NHLRC2: variants seen among roughly 807,000 people sequenced by gnomAD.
NHLRC2 encodes the protein NHL repeat-containing protein 2.
In NHLRC2, 33 loss-of-function variants were observed where a neutral mutation model predicts 68.1. That is an observed-to-expected ratio of 0.48 (90% CI 0.37 to 0.65). The LOEUF (loss-of-function observed/expected upper bound fraction) is 0.65, where lower values mean the gene tolerates loss of function less well. NHLRC2 is among the 30% of genes least tolerant of loss of function. The pLI is 0.00. For synonymous variants in NHLRC2, 311 were observed against 309.6 expected, an observed-to-expected ratio of 1.00 and a Z score of -0.05; for missense variants, 761 against 853.8, an observed-to-expected ratio of 0.89 and a Z score of 1.35.
chr10:113,908,460 T>G lies in NHLRC2; in HGVS notation c.2105T>G (p.Leu702Trp). 2 of 1,614,014 alleles carry G rather than the reference T, an allele frequency of 1.2e-6. No homozygotes were observed. The highest frequency in any genetic ancestry group is 4.5e-5 in the East Asian group (2 of 44,878). Residue 702 changes from leucine to tryptophan, a missense_variant, in exon 11 of 11, where the codon TTG becomes TGG. Coordinates refer to ENST00000369301, the MANE Select transcript of NHLRC2 (RefSeq NM_198514.4). The stretch of plus-strand genomic sequence containing the variant: ...AGTGCTTGTATGATGAAGGCAATTT[T>G]GTTCAGTCAGCCTTTACAAATAACG... Reference protein sequence around the residue: ...DSSACMMKAILFSQPLQITDT... With the variant: ...DSSACMMKAIWFSQPLQITDT...
Position 113,854,716 on chromosome 10 carries a change from A to T in NHLRC2, c.-157A>T, listed in dbSNP as rs1225194252. On this transcript the variant is annotated 5_prime_UTR_variant, in exon 1 of 11. The change abolishes an upstream ATG in the 5' untranslated region. Transcript: ENST00000369301. ...ATTTGGACTTTTGGCACTTGGACCTATGCTTTAAAAAGAAAAAAGTGTCAT... is the reference window on the plus strand; with the variant it reads ...ATTTGGACTTTTGGCACTTGGACCTTTGCTTTAAAAAGAAAAAAGTGTCAT... The T allele has an allele frequency of 1.6e-6, 1 of 618,024 alleles. No individual in the cohort carries two copies. Among genetic ancestry groups the T allele is most frequent in the East Asian group, 2.9e-5 (1 of 34,374 alleles). The allele number at this position is 618,024 out of a possible 1,614,324, so 38.3% of individuals were successfully genotyped here.
At position 113,915,475 on chromosome 10, in the gene NHLRC2, A is replaced by G. The variant is rs1846374529; in HGVS notation, c.*6939A>G. On this transcript the variant is annotated 3_prime_UTR_variant, in exon 11 of 11. Transcript: ENST00000369301. ...TAATGTTGAAAACTTCCAAGTGTGAATAATACGGACATAGTTTACTACCTT... is the reference window on the plus strand; with the variant it reads ...TAATGTTGAAAACTTCCAAGTGTGAGTAATACGGACATAGTTTACTACCTT... 1 of 342,216 alleles carries G rather than the reference A, an allele frequency of 2.9e-6. No individual in the cohort carries two copies. Among genetic ancestry groups the G allele is most frequent in the Non-Finnish European group, 5.7e-6 (1 of 174,962 alleles). The allele number at this position is 342,216 out of a possible 1,614,324, so 21.2% of individuals were successfully genotyped here.
chr10:113,901,684 C>T lies in NHLRC2; in HGVS notation c.1158C>T (p.Thr386=). The change falls in exon 7 of 11, where the codon ACC becomes ACT. Residue 386 remains threonine (T), a synonymous_variant. Coordinates refer to ENST00000369301, the MANE Select transcript of NHLRC2 (RefSeq NM_198514.4). ...TTTTCAGTGAGTTAACAAAAGGAAC[C>T]TGCCTTAGGTTTGCTGGAAGTGGAA... is the stretch of plus-strand genomic sequence containing the variant. ...LPKKNELTKG[T]CLRFAGSGNE... is the part of the protein sequence containing the mutation. The T allele has an allele frequency of 6.2e-7, 1 of 1,613,848 alleles. No individual in the cohort carries two copies.
intron 2 of NHLRC2, among the ~76,000 whole-genome samples, chr10:113,863,782 A>G (rs561377130): frequency 1.3e-5 from 2 of 152,358 alleles, no homozygotes; most frequent in South Asian, 4.1e-4. Context: ...GAAAATGGGA[A>G]CATTACTACT....
chr10:113,854,907 C>T lies in NHLRC2; in HGVS notation c.35C>T (p.Ser12Phe). ...CCCGGAGGCCGGGGCCGCAGCCTCTCCGGCCTGCTCCCCGCGCAGACCTCG... is the reference window on the plus strand; with the variant it reads ...CCCGGAGGCCGGGGCCGCAGCCTCTTCGGCCTGCTCCCCGCGCAGACCTCG... ...AAPGGRGRSL[S>F]GLLPAQTSLE... Residue 12 changes from serine (S) to phenylalanine (F), a missense_variant, in exon 1 of 11, where the codon TCC becomes TTC. Physicochemically the swap from Ser to Phe is radical, Grantham distance 155. Coordinates refer to ENST00000369301, the MANE Select transcript of NHLRC2 (RefSeq NM_198514.4). 6.4e-7 allele frequency: 1 copy of T among 1,552,034 alleles called. No homozygotes were observed. The highest frequency in any genetic ancestry group is 8.7e-7 in the Non-Finnish European group (1 of 1,147,658).
At chr10:113,890,254 T>G (rs1846119249) in intron 5 of NHLRC2, among the ~76,000 whole-genome samples, 1 of 152,218 alleles carries the variant, frequency 6.6e-6, no homozygotes, top group Admixed American at 6.5e-5. Flanking sequence ...CTAGCTTTCA[T>G]TTTTGAAAGT....
intron 2 of NHLRC2, among the ~76,000 whole-genome samples, chr10:113,867,923 A>G (rs1401899836): frequency 1.3e-5 from 2 of 152,092 alleles, no homozygotes; most frequent in Non-Finnish European, 2.9e-5. Flanking sequence ...TTGAAGCTTT[A>G]AAAATATGTA....
At chr10:113,898,606 G>A (rs1040619358) in intron 6 of NHLRC2, among the ~76,000 whole-genome samples, 3 of 152,212 alleles carry the variant, frequency 2.0e-5, no homozygotes, top group African/African-American at 4.8e-5. Context: ...AACCTGCAAA[G>A]AATCATTCTC....
intron 5 of NHLRC2, among the ~76,000 whole-genome samples, chr10:113,897,865 T>TA (rs2134731859): frequency 6.6e-6 from 1 of 152,376 alleles, no homozygotes; most frequent in African/African-American, 2.4e-5. Context: ...GCAGAGGACT[T>TA]ACTGCTGGTA....
At chr10:113,898,632 G>T (rs1171050255) in intron 6 of NHLRC2, among the ~76,000 whole-genome samples, 1 of 152,212 alleles carries the variant, frequency 6.6e-6, no homozygotes, top group Non-Finnish European at 1.5e-5. Context: ...TGTCTAGAAA[G>T]AGAACTAAGA....
At chr10:113,872,641 C>A (rs1214551034) in intron 2 of NHLRC2, among the ~76,000 whole-genome samples, 1 of 148,464 alleles carries the variant, frequency 6.7e-6, no homozygotes, top group Non-Finnish European at 1.5e-5. Flanking sequence ...AAAGAGAAGA[C>A]AAATTCAAAA....
At chr10:113,898,315 T>TG in intron 6 of NHLRC2, 106 bp downstream of exon 6, 1 of 661,660 alleles carries the variant, frequency 1.5e-6, no homozygotes, top group East Asian at 2.9e-5. Context: ...TGTGCTAGGT[T>TG]GTACTGCCAT....
rs116873466 is a variant in NHLRC2 at position 113,908,416 on chromosome 10, T to C, written c.2061T>C (p.Tyr687=). The C allele has an allele frequency of 4.3e-5, 69 of 1,614,142 alleles. 1 individual carries two copies. In the East Asian group the frequency reaches 1.5e-3, roughly 35 times the overall value. Residue 687 remains tyrosine (Y), a synonymous_variant, in exon 11 of 11, where the codon TAT becomes TAC. Coordinates refer to ENST00000369301, the MANE Select transcript of NHLRC2 (RefSeq NM_198514.4). ...EAIVSVSVFL[Y]YCSADSSACM... ...TTGTATCTGTCAGTGTGTTTCTTTA[T>C]TACTGTAGTGCAGACAGCAGTGCTT... is the stretch of plus-strand genomic sequence containing the variant.
intron 2 of NHLRC2, among the ~76,000 whole-genome samples, chr10:113,865,358 T>C (rs1845856865): frequency 6.8e-6 from 1 of 146,736 alleles, no homozygotes; most frequent in Non-Finnish European, 1.5e-5. Context: ...GCTGGCCCAA[T>C]AACTCACTTG....
chr10:113,870,472 T>C (rs1319070193), intron 2 of NHLRC2, among the ~76,000 whole-genome samples: 1 of 152,198 alleles, frequency 6.6e-6, no homozygotes, highest in Non-Finnish European at 1.5e-5. Context: ...CATAGAGAAC[T>C]TCTTGACTTT....
intron 2 of NHLRC2, among the ~76,000 whole-genome samples, chr10:113,875,560 AG>A (rs1276435218): frequency 6.6e-6 from 1 of 152,188 alleles, no homozygotes; most frequent in Non-Finnish European, 1.5e-5. Context: ...GGATTGGAAA[AG>A]AAAATAAAAT....
rs796927539 is a variant in NHLRC2 at position 113,899,475 on chromosome 10, G to A, written c.1139+1266G>A. On this transcript the variant is annotated intron_variant, in intron 6 of 10. Coordinates refer to ENST00000369301, the MANE Select transcript of NHLRC2 (RefSeq NM_198514.4). ...ATGTTTTAAGACATTTAATCGTTTA[G>A]CAAATATTTATGCTAGGCAATAGGG... Among the ~76,000 whole-genome samples the A allele has an allele frequency of 7.2e-5, 11 of 152,260 alleles. 1 individual carries two copies. Among genetic ancestry groups the A allele is most frequent in the African/African-American group, 2.6e-4 (11 of 41,538 alleles).
rs181440806 is a variant in NHLRC2, at chr10:113,914,684, T to G, written c.*6148T>G. 16 of 233,542 alleles carry G rather than the reference T, an allele frequency of 6.9e-5. No homozygotes were observed. The highest frequency in any genetic ancestry group is 5.2e-4 in the Admixed American group (10 of 19,168). 14.5% of individuals were successfully genotyped at this position (233,542 alleles called of 1,614,324 possible). A position where few individuals can be genotyped will look rare whatever the true frequency, so the allele number is the denominator to read the frequency against. Reference sequence around the variant, plus strand: ...TAATAAGAAAGTGATAATAGTGTCATATTTTAAAAGTAGAATCCACTGTTA... The same window carrying G: ...TAATAAGAAAGTGATAATAGTGTCAGATTTTAAAAGTAGAATCCACTGTTA... On this transcript the variant is annotated 3_prime_UTR_variant, in exon 11 of 11. Transcript: ENST00000369301.
intron 2 of NHLRC2, among the ~76,000 whole-genome samples, chr10:113,871,025 T>C (rs969775864): frequency 6.8e-6 from 1 of 146,140 alleles, no homozygotes; most frequent in East Asian, 2.0e-4. Context: ...CTTTTTTTTT[T>C]TTTTTTTTTT....
Sources: gnomAD v4.1 joint callset for allele counts (sites outside exome capture counted in the v4.1 genomes callset) on GRCh38, gnomAD v4.1.1 for gene constraint, MANE v1.5 for transcripts, NCBI Gene and HGNC (gene_info 2026-07-23, HGNC 2026-07-21) for gene names.